The following EXOC6 variants were observed in gnomAD, a reference collection of about 807,000 sequenced individuals.
The protein encoded by EXOC6 is exocyst complex component 6, also known as SEC15-like 1.
EXOC6 carries 60 observed loss-of-function variants against 112.5 expected under a neutral mutation model. The ratio of observed to expected loss-of-function variants is 0.53; its 90% CI spans 0.43 to 0.66. The LOEUF (loss-of-function observed/expected upper bound fraction) is 0.66. Ranked by LOEUF, EXOC6 falls within the 30% of genes least tolerant of loss-of-function variation. The pLI, the probability that EXOC6 is intolerant of heterozygous loss-of-function variation, is 0.00. For missense variants in EXOC6, 855 were observed against 957.1 expected, an observed-to-expected ratio of 0.89 and a Z score of 1.41; for synonymous variants, 295 against 308.0, an observed-to-expected ratio of 0.96 and a Z score of 0.44.
chr10:92,904,514 C>T (rs561881662), intron 5 of EXOC6, among the ~76,000 whole-genome samples: 6 of 151,994 alleles, frequency 3.9e-5, no homozygotes, highest in Non-Finnish European at 1.5e-5. Flanking sequence ...GTAATGATAT[C>T]TCATTGTTAT....
At chr10:92,983,925 A>G (rs957918370) in intron 18 of EXOC6, among the ~76,000 whole-genome samples, 2 of 152,130 alleles carry the variant, frequency 1.3e-5, no homozygotes, top group African/African-American at 4.8e-5. Flanking sequence ...CCTTTGCTCC[A>G]TCAGTTCTTC....
chr10:93,027,291 G>T (rs1845072071), intron 20 of EXOC6, among the ~76,000 whole-genome samples: 1 of 152,216 alleles, frequency 6.6e-6, no homozygotes, highest in Admixed American at 6.5e-5. Context: ...AAGGAAAGAA[G>T]CCATCTCCAT....
intron 17 of EXOC6, 91 bp from the exon 18 acceptor site, chr10:92,973,962 C>T (rs1842399137): frequency 9.0e-7 from 1 of 1,105,320 alleles, no homozygotes; most frequent in African/African-American, 1.7e-5. Flanking sequence ...AATATTAAAC[C>T]AAAGGTAAAT....
rs1564847014 is a variant in EXOC6, at chr10:92,940,710, T to C, written c.1213-17T>C. Reference sequence around the variant, plus strand: ...TGTACACTTGTTTATCTGCTTTTTTTTTTTTTTGTATTTTAGGGTTATGGT... The same window carrying C: ...TGTACACTTGTTTATCTGCTTTTTTCTTTTTTTGTATTTTAGGGTTATGGT... On this transcript the variant is annotated splice_polypyrimidine_tract_variant and intron_variant, in intron 12 of 21. Transcript: ENST00000260762. 6.6e-7 allele frequency: 1 copy of C among 1,513,028 alleles called. No homozygotes were observed. The highest frequency in any genetic ancestry group is 9.0e-7 in the Non-Finnish European group (1 of 1,117,140). 93.7% of individuals were successfully genotyped at this position (1,513,028 alleles called of 1,614,324 possible).
chr10:92,840,694 G>A (rs1409057173), intron 1 of EXOC6, among the ~76,000 whole-genome samples: 1 of 149,638 alleles, frequency 6.7e-6, no homozygotes, highest in Non-Finnish European at 1.5e-5. Context: ...GACAGGGTCT[G>A]TCTCTTGTCA....
At position 92,983,504 on chromosome 10, in the gene EXOC6, T is replaced by C. The variant is rs1204739927; in HGVS notation, c.1953+9272T>C. On this transcript the variant is annotated intron_variant, in intron 18 of 21. Transcript: ENST00000260762. ...TCTATTTCTTTCTTTCTTCTTCTTT[T>C]TTTTTTTTTTTTTTGAGACAGAGTC... is the stretch of plus-strand genomic sequence containing the variant. Among the ~76,000 whole-genome samples the C allele has an allele frequency of 6.8e-3, 1,015 of 148,708 alleles. 6 individuals are homozygous for C. Among genetic ancestry groups the C allele is most frequent in the African/African-American group, 0.024 (960 of 40,420 alleles).
At chr10:92,885,372 A>AGTGTGGCAT (rs1849161613) in intron 1 of EXOC6, among the ~76,000 whole-genome samples, 1 of 151,908 alleles carries the variant, frequency 6.6e-6, no homozygotes, top group African/African-American at 2.4e-5. Flanking sequence ...CATGAAGGTT[A>AGTGTGGCAT]AAGTCAGCTC....
chr10:93,028,019 A>C (rs1393596250), intron 20 of EXOC6, among the ~76,000 whole-genome samples: 1 of 152,188 alleles, frequency 6.6e-6, no homozygotes, highest in Non-Finnish European at 1.5e-5. Context: ...GACATTTGTG[A>C]TTGGTCGTGG....
At chr10:93,012,553 G>A (rs1433639793) in intron 19 of EXOC6, among the ~76,000 whole-genome samples, 1 of 152,188 alleles carries the variant, frequency 6.6e-6, no homozygotes, top group Non-Finnish European at 1.5e-5. Context: ...ATTCCCCAGA[G>A]ATGCCAGATA....
intron 18 of EXOC6, 149 bp from the exon 19 acceptor site, chr10:92,997,325 C>A: frequency 1.7e-6 from 1 of 592,038 alleles, no homozygotes; most frequent in Non-Finnish European, 2.7e-6. Context: ...TATAACCACT[C>A]AGAATACAGA....
intron 4 of EXOC6, among the ~76,000 whole-genome samples, chr10:92,896,145 GTGTATATA>G (rs1378105468): frequency 4.9e-5 from 1 of 20,308 alleles, no homozygotes; most frequent in African/African-American, 3.0e-4. Flanking sequence ...GTGTATGTAT[GTGTATATA>G]TATATATATA....
Position 92,872,324 on chromosome 10 carries a change from C to A in EXOC6, c.102-21025C>A, listed in dbSNP as rs190490587. The stretch of plus-strand genomic sequence containing the variant: ...CTTTTTTATTTGTTAAATTTTGCTA[C>A]TAATTTCTACTTTTATTACATTATA... On this transcript the variant is annotated intron_variant, in intron 1 of 21. Coordinates refer to ENST00000260762, the MANE Select transcript of EXOC6 (RefSeq NM_019053.6). Among the ~76,000 whole-genome samples, 3 of 152,042 alleles carry A rather than the reference C, an allele frequency of 2.0e-5. No homozygotes were observed. The East Asian group carries it at 5.8e-4, about 29-fold the overall frequency.
chr10:92,882,086 C>T (rs1479485115), intron 1 of EXOC6, among the ~76,000 whole-genome samples: 1 of 152,132 alleles, frequency 6.6e-6, no homozygotes, highest in Non-Finnish European at 1.5e-5. Context: ...TTATTCATGT[C>T]TGCTGTATTT....
chr10:92,896,345 CA>C (rs1342574686), intron 4 of EXOC6, among the ~76,000 whole-genome samples: 2 of 147,528 alleles, frequency 1.4e-5, no homozygotes, highest in Non-Finnish European at 3.0e-5. Flanking sequence ...TTATAGGTGC[CA>C]CCACCATGCC....
intron 19 of EXOC6, among the ~76,000 whole-genome samples, chr10:93,001,422 A>G (rs748812196): frequency 6.6e-5 from 10 of 152,164 alleles, no homozygotes; most frequent in African/African-American, 1.2e-4. Context: ...CACTCTATCA[A>G]TCTCTCACAC....
chr10:92,941,366 T>G (rs532535732), intron 13 of EXOC6, among the ~76,000 whole-genome samples: 1 of 152,364 alleles, frequency 6.6e-6, no homozygotes, highest in Admixed American at 6.5e-5. Context: ...TTGACTATTG[T>G]GAATAATGCT....
At chr10:92,892,226 A>C (rs544237531) in intron 1 of EXOC6, among the ~76,000 whole-genome samples, 1 of 151,974 alleles carries the variant, frequency 6.6e-6, no homozygotes, top group East Asian at 1.9e-4. Flanking sequence ...ACAACAACAA[A>C]AACTTTCAAA....
At chr10:92,871,770 T>G (rs1212666026) in intron 1 of EXOC6, among the ~76,000 whole-genome samples, 1 of 152,158 alleles carries the variant, frequency 6.6e-6, no homozygotes, top group Non-Finnish European at 1.5e-5. Flanking sequence ...ATTGTGCCAC[T>G]GTACTCCAGC....
intron 17 of EXOC6, among the ~76,000 whole-genome samples, chr10:92,956,240 AT>A (rs1000982342): frequency 6.6e-5 from 10 of 152,098 alleles, no homozygotes; most frequent in African/African-American, 2.4e-4. Context: ...AGATTAAACA[AT>A]TTCATAAGGT....
Sources: gnomAD v4.1 joint callset for allele counts (sites outside exome capture counted in the v4.1 genomes callset) on GRCh38, gnomAD v4.1.1 for gene constraint, MANE v1.5 for transcripts, NCBI Gene and HGNC (gene_info 2026-07-23, HGNC 2026-07-21) for gene names.